The following CDH9 variants were observed in gnomAD, a reference collection of about 807,000 sequenced individuals.
CDH9 encodes the protein cadherin 9.
Under a neutral mutation model 70.9 loss-of-function variants are expected in CDH9, and 28 were observed. That is an observed-to-expected ratio of 0.40 (90% confidence interval 0.29 to 0.54). The LOEUF is 0.54. Among genes scored for constraint, CDH9 ranks in the 20% least tolerant of loss-of-function variants. CDH9 has a pLI of 0.59. For synonymous variants in CDH9, 409 were observed against 343.1 expected, an observed-to-expected ratio of 1.19 and a Z score of -2.12; for missense variants, 874 against 984.4, an observed-to-expected ratio of 0.89 and a Z score of 1.50.
rs151133351 is a variant in CDH9, at chr5:26,997,490, A to G, written c.-49-9108T>C. Among the ~76,000 whole-genome samples the G allele has an allele frequency of 3.2e-4, 48 of 152,302 alleles. No individual in the cohort carries two copies. The East Asian group carries it at 9.3e-3, about 29-fold the overall frequency. ...CTTTAGAATAAAACAACACAAAGAA[A>G]AAAACAGAAAATGGAGAGTGATATA... On this transcript the variant is annotated intron_variant, in intron 1 of 11. Coordinates refer to ENST00000231021, the MANE Select transcript of CDH9 (RefSeq NM_016279.4).
chr5:26,923,720 G>A (rs1268187315), intron 2 of CDH9, among the ~76,000 whole-genome samples: 10 of 151,976 alleles, frequency 6.6e-5, no homozygotes, highest in Admixed American at 6.6e-4. Context: ...CATGTTCTCT[G>A]ACCACAATGG....
chr5:27,027,875 C>A (rs2329465), intron 1 of CDH9, among the ~76,000 whole-genome samples: 79,272 of 151,846 alleles, frequency 0.52, 22,182 homozygotes, highest in African/African-American at 0.69. Context: ...GTTGATCATA[C>A]ACGTTTCAAT....
At chr5:26,887,008 G>A (rs1168092605) in intron 9 of CDH9, among the ~76,000 whole-genome samples, 1 of 152,138 alleles carries the variant, frequency 6.6e-6, no homozygotes, top group African/African-American at 2.4e-5. Flanking sequence ...ATTCACAATA[G>A]TTTAAGCTTT....
rs181421725 is a variant in CDH9, at chr5:26,896,930, A to G, written c.1253+5546T>C. On this transcript the variant is annotated intron_variant, in intron 7 of 11. Transcript: ENST00000231021. ...AATAGGTGGACCACTTGCCAGACTA[A>G]TAAAGAAGAAAAGAGAGAAGAATCA... 1.4e-3 allele frequency among the ~76,000 whole-genome samples: 216 copies of G among 152,202 alleles called. 3 individuals carry two copies. Among genetic ancestry groups the G allele is most frequent in the Non-Finnish European group, 2.8e-4 (19 of 67,990 alleles).
intron 2 of CDH9, among the ~76,000 whole-genome samples, chr5:26,969,379 T>C (rs1269273379): frequency 1.3e-5 from 2 of 152,114 alleles, no homozygotes; most frequent in Admixed American, 1.3e-4. Flanking sequence ...CAAGACTGAT[T>C]GGAGAAGAAC....
chr5:26,942,799 T>C (rs1741686094), intron 2 of CDH9, among the ~76,000 whole-genome samples: 1 of 152,146 alleles, frequency 6.6e-6, no homozygotes, highest in Non-Finnish European at 1.5e-5. Flanking sequence ...AATGATCTCT[T>C]TGGAAACTTT....
intron 1 of CDH9, among the ~76,000 whole-genome samples, chr5:27,026,585 T>A (rs1743225026): frequency 6.6e-6 from 1 of 152,054 alleles, no homozygotes; most frequent in African/African-American, 2.4e-5. Flanking sequence ...AAATACCTTC[T>A]TGTGATTAAA....
intron 2 of CDH9, among the ~76,000 whole-genome samples, chr5:26,978,758 CAT>C (rs1375047140): frequency 2.6e-5 from 4 of 151,618 alleles, no homozygotes; most frequent in Non-Finnish European, 5.9e-5. Context: ...GAAAAACAAA[CAT>C]ATTACATATA....
At chr5:26,958,592 G>C (rs140895647) in intron 2 of CDH9, among the ~76,000 whole-genome samples, 1 of 151,992 alleles carries the variant, frequency 6.6e-6, no homozygotes. Context: ...GAAAACTGGC[G>C]ACCTGTGAAT....
intron 2 of CDH9, among the ~76,000 whole-genome samples, chr5:26,958,101 AAAC>A (rs1156827989): frequency 6.6e-6 from 1 of 152,196 alleles, no homozygotes; most frequent in Non-Finnish European, 1.5e-5. Context: ...AAGATTCAGA[AAAC>A]AACAACAGCA....
intron 2 of CDH9, among the ~76,000 whole-genome samples, chr5:26,954,067 G>C (rs533635337): frequency 6.6e-6 from 1 of 152,118 alleles, no homozygotes; most frequent in South Asian, 2.1e-4. Context: ...AAACTTACCT[G>C]GTCATTATTT....
At chr5:26,890,282 A>T (rs1451573203) in intron 8 of CDH9, 146 bp downstream of exon 8, 11 of 664,582 alleles carry the variant, frequency 1.7e-5, no homozygotes, top group Non-Finnish European at 2.6e-5. Flanking sequence ...AAAATAATTT[A>T]AAAATGTGTT....
At chr5:26,939,327 AC>A (rs749832820) in intron 2 of CDH9, among the ~76,000 whole-genome samples, 1 of 151,862 alleles carries the variant, frequency 6.6e-6, no homozygotes, top group Non-Finnish European at 1.5e-5. Flanking sequence ...AAATACAAAA[AC>A]AAACACTAAT....
chr5:26,971,004 G>A (rs771338772), intron 2 of CDH9, among the ~76,000 whole-genome samples: 2 of 152,112 alleles, frequency 1.3e-5, no homozygotes, highest in Non-Finnish European at 2.9e-5. Context: ...CATTAGAAAT[G>A]CTTCTGACAT....
intron 6 of CDH9, 189 bp downstream of exon 6, chr5:26,903,448 G>A (rs9687840): frequency 0.13 from 87,454 of 688,268 alleles, 9,555 homozygotes; most frequent in East Asian, 0.46. Context: ...AACAACTGAG[G>A]TTTTAAGTGT....
chr5:26,918,626 A>C (rs949292406), intron 2 of CDH9, among the ~76,000 whole-genome samples: 8 of 152,246 alleles, frequency 5.3e-5, no homozygotes, highest in African/African-American at 1.7e-4. Flanking sequence ...TGCACACCTC[A>C]GTATGGGTGA....
intron 2 of CDH9, among the ~76,000 whole-genome samples, chr5:26,925,323 G>A (rs982034407): frequency 1.3e-5 from 2 of 152,026 alleles, no homozygotes; most frequent in African/African-American, 4.8e-5. Context: ...TTTTTCATGT[G>A]TCTGTTGGCT....
intron 2 of CDH9, among the ~76,000 whole-genome samples, chr5:26,944,142 A>AT (rs1424476806): frequency 6.6e-6 from 1 of 151,136 alleles, no homozygotes; most frequent in African/African-American, 2.4e-5. Context: ...TTTGGATTTG[A>AT]TTTTTCCTCT....
intron 1 of CDH9, among the ~76,000 whole-genome samples, chr5:27,029,557 G>A (rs567844731): frequency 6.6e-6 from 1 of 152,102 alleles, no homozygotes; most frequent in South Asian, 2.1e-4. Flanking sequence ...ACAAGTGAAG[G>A]TGCTCTTCCC....
Sources: gnomAD v4.1 joint callset for allele counts (sites outside exome capture counted in the v4.1 genomes callset) on GRCh38, gnomAD v4.1.1 for gene constraint, MANE v1.5 for transcripts, NCBI Gene and HGNC (gene_info 2026-07-23, HGNC 2026-07-21) for gene names.